SPATA6: variants seen among roughly 807,000 people sequenced by gnomAD.
SPATA6 encodes the protein spermatogenesis associated 6.
In SPATA6, 56 loss-of-function variants were observed where a neutral mutation model predicts 65.3. The observed-to-expected ratio is 0.86, with a 90% CI of 0.69 to 1.07. The LOEUF (loss-of-function observed/expected upper bound fraction) is 1.07, where lower values mean the gene tolerates loss of function less well. SPATA6 is among the 50% of genes least tolerant of loss of function. The pLI is 0.00. For missense variants in SPATA6, 590 were observed against 594.8 expected, an observed-to-expected ratio of 0.99 and a Z score of 0.08; for synonymous variants, 199 against 213.2, an observed-to-expected ratio of 0.93 and a Z score of 0.58.
the SPATA6 span, among the ~76,000 whole-genome samples, chr1:48,274,061 T>C: frequency 6.6e-6 from 1 of 152,228 alleles, no homozygotes; most frequent in African/African-American, 2.4e-5. Flanking sequence ...GGTATCTCAT[T>C]GTGGTTTTGA....
chr1:48,470,723 G>A (rs969836114), intron 1 of SPATA6, among the ~76,000 whole-genome samples: 1 of 152,150 alleles, frequency 6.6e-6, no homozygotes, highest in African/African-American at 2.4e-5. Flanking sequence ...CAGGAAAGGC[G>A]GGAAGCTGCA....
chr1:48,325,330 C>G (rs1252906273), intron 11 of SPATA6: 3 of 1,284,686 alleles, frequency 2.3e-6, no homozygotes, highest in Non-Finnish European at 2.2e-6. Context: ...GGGCACAGGC[C>G]CCCGTAGAGT....
At chr1:48,423,832 C>T (rs1316493487) in intron 3 of SPATA6, among the ~76,000 whole-genome samples, 3 of 152,026 alleles carry the variant, frequency 2.0e-5, no homozygotes, top group East Asian at 3.9e-4. Context: ...CAGGCATGAG[C>T]CACTGCATCC....
At chr1:48,387,683 C>G (rs1649619806) in intron 8 of SPATA6, among the ~76,000 whole-genome samples, 1 of 152,166 alleles carries the variant, frequency 6.6e-6, no homozygotes, top group South Asian at 2.1e-4. Context: ...CCATGCCAGA[C>G]CATATAGTTT....
chr1:48,403,933 A>G (rs1250076257), intron 5 of SPATA6, 51 bp from the exon 6 acceptor site: 1 of 1,287,356 alleles, frequency 7.8e-7, no homozygotes, highest in Non-Finnish European at 1.1e-6. Flanking sequence ...AAATAGAGAT[A>G]ATTATTAATG....
At chr1:48,445,722 CAT>C (rs1298665522) in intron 3 of SPATA6, among the ~76,000 whole-genome samples, 4 of 119,252 alleles carry the variant, frequency 3.4e-5, no homozygotes, top group African/African-American at 1.0e-4. Context: ...AAAGGTAGAA[CAT>C]GTGTACATAG....
At chr1:48,433,679 C>A (rs1654616175) in intron 3 of SPATA6, among the ~76,000 whole-genome samples, 1 of 152,086 alleles carries the variant, frequency 6.6e-6, no homozygotes, top group African/African-American at 2.4e-5. Context: ...ACCTATTTAC[C>A]TCCCCAAACT....
intron 5 of SPATA6, among the ~76,000 whole-genome samples, chr1:48,404,713 A>C (rs1215242542): frequency 6.6e-6 from 1 of 152,172 alleles, no homozygotes; most frequent in Non-Finnish European, 1.5e-5. Context: ...GAAAACAGAA[A>C]AGATAAGTCT....
At chr1:48,270,616 A>AT in the SPATA6 span, among the ~76,000 whole-genome samples, 8 of 152,044 alleles carry the variant, frequency 5.3e-5, no homozygotes, top group African/African-American at 7.2e-5. Context: ...TGAAAATCAA[A>AT]TAAAAAAAAG....
intron 7 of SPATA6, 78 bp from the exon 8 acceptor site, chr1:48,395,432 A>G (rs1650494899): frequency 4.1e-6 from 4 of 974,420 alleles, no homozygotes; most frequent in Non-Finnish European, 5.7e-6. Flanking sequence ...CAGAAAAACT[A>G]CTAGAGTACA....
intron 5 of SPATA6, among the ~76,000 whole-genome samples, chr1:48,407,873 T>C (rs1230594944): frequency 6.6e-6 from 1 of 152,208 alleles, no homozygotes; most frequent in Non-Finnish European, 1.5e-5. Flanking sequence ...AGTAAATCCC[T>C]CTTAATGTTC....
chr1:48,320,890 T>G (rs1278441111), intron 11 of SPATA6, among the ~76,000 whole-genome samples: 1 of 151,778 alleles, frequency 6.6e-6, no homozygotes, highest in East Asian at 1.9e-4. Flanking sequence ...AAGTGTGGAG[T>G]TTTTATTCAT....
the SPATA6 span, among the ~76,000 whole-genome samples, chr1:48,271,608 A>T: frequency 6.6e-6 from 1 of 152,086 alleles, no homozygotes; most frequent in Non-Finnish European, 1.5e-5. Context: ...ACAAAATTTG[A>T]TTGAACAACT....
At chr1:48,369,557 C>T (rs750857047) in intron 9 of SPATA6, among the ~76,000 whole-genome samples, 9 of 152,210 alleles carry the variant, frequency 5.9e-5, no homozygotes, top group Non-Finnish European at 1.0e-4. Context: ...AGCGAGACTC[C>T]GTGGGCGTAG....
At chr1:48,272,140 C>T in the SPATA6 span, among the ~76,000 whole-genome samples, 1 of 152,152 alleles carries the variant, frequency 6.6e-6, no homozygotes, top group Non-Finnish European at 1.5e-5. Context: ...TGATGTCAAT[C>T]AAGCTAATTA....
intron 11 of SPATA6, among the ~76,000 whole-genome samples, chr1:48,322,991 A>G (rs1645643433): frequency 6.6e-6 from 1 of 152,326 alleles, no homozygotes; most frequent in East Asian, 1.9e-4. Flanking sequence ...AGTTACTTCA[A>G]CCACTGTGGA....
Position 48,296,159 on chromosome 1 carries a change from A to G in SPATA6, c.*2554T>C, listed in dbSNP as rs1027868305. The G allele has an allele frequency of 4.8e-5, 7 of 147,284 alleles. No homozygotes were observed. The East Asian group carries it at 6.2e-4, about 13-fold the overall frequency. 9.1% of individuals were successfully genotyped at this position (147,284 alleles called of 1,614,324 possible). A position where few individuals can be genotyped will look rare whatever the true frequency, so the allele number is the denominator to read the frequency against. On this transcript the variant is annotated 3_prime_UTR_variant, in exon 13 of 13. Coordinates refer to ENST00000371847, the MANE Select transcript of SPATA6 (RefSeq NM_019073.4). Reference sequence around the variant, plus strand: ...TTTCTAGATTTGTGGGAAATACAGGAAAAAAAAAAGGCTAAGAGAATAAAC... The same window carrying G: ...TTTCTAGATTTGTGGGAAATACAGGGAAAAAAAAAGGCTAAGAGAATAAAC...
chr1:48,308,154 T>C (rs1645107896), intron 11 of SPATA6, among the ~76,000 whole-genome samples: 1 of 151,978 alleles, frequency 6.6e-6, no homozygotes, highest in African/African-American at 2.4e-5. Flanking sequence ...CTATGTCTTT[T>C]TTCATTTCTC....
At position 48,411,528 on chromosome 1, in the gene SPATA6, T is replaced by C; in HGVS notation, c.341A>G (p.Asn114Ser). 2 of 1,611,952 alleles carry C rather than the reference T, an allele frequency of 1.2e-6. No homozygotes were observed. Among genetic ancestry groups the C allele is most frequent in the Non-Finnish European group, 1.7e-6 (2 of 1,179,022 alleles). ...TGAATCATGGTGTCCAGACATTTGG[T>C]TTGGACCCGGAAACATGAAATCTCG... ...NTRDFMFPGP[N>S]QMSGHHDSNR... The change falls in exon 5 of 13, where the codon AAC (asparagine) becomes AGC (serine). Residue 114 changes from asparagine (N) to serine (S), a missense_variant. Asn to Ser is a conservative substitution (Grantham distance 46, BLOSUM62 1). Coordinates refer to ENST00000371847, the MANE Select transcript of SPATA6 (RefSeq NM_019073.4).
Sources: allele counts gnomAD v4.1 joint callset (sites outside exome capture counted in the v4.1 genomes callset), GRCh38; gene constraint gnomAD v4.1.1; transcripts MANE v1.5; gene names NCBI Gene and HGNC (gene_info 2026-07-23, HGNC 2026-07-21).